Variants in WDR37 observed in about 807,000 individuals in gnomAD.
The protein encoded by WDR37 is WD repeat domain 37, also known as WD repeat-containing protein 37.
A neutral mutation model predicts 62.9 loss-of-function variants in WDR37; 19 were observed. The observed-to-expected ratio is 0.30, with a 90% CI of 0.21 to 0.44. WDR37 has a LOEUF of 0.44. WDR37 is among the 20% of genes least tolerant of loss of function. The pLI, the probability that WDR37 is intolerant of heterozygous loss-of-function variation, is 1.00. For missense variants in WDR37, 474 were observed against 657.6 expected, an observed-to-expected ratio of 0.72 and a Z score of 3.05; for synonymous variants, 250 against 260.9, an observed-to-expected ratio of 0.96 and a Z score of 0.40.
rs922679724 is a variant in WDR37, at chr10:1,105,528, G to A, written c.1103+261G>A. Among the ~76,000 whole-genome samples, 4 of 152,186 alleles carry A rather than the reference G, an allele frequency of 2.6e-5. No homozygotes were observed. Among genetic ancestry groups the A allele is most frequent in the Non-Finnish European group, 4.4e-5 (3 of 68,024 alleles). On this transcript the variant is annotated intron_variant, in intron 11 of 13. Coordinates refer to ENST00000263150, the MANE Select transcript of WDR37 (RefSeq NM_014023.4). The surrounding 1 kb of genome is among the most constrained non-coding windows in gnomAD (Gnocchi z 5.3). ...ATGCAGACAGAATGGGGGAGTGGGT[G>A]GAGAGGGTTAGAGAAGAGCAGGGCT...
intron 9 of WDR37, among the ~76,000 whole-genome samples, chr10:1,097,843 G>A (rs1834641612): frequency 1.3e-5 from 2 of 152,182 alleles, no homozygotes; most frequent in South Asian, 2.1e-4. Flanking sequence ...CTGCCCTACT[G>A]TTGTATTTTG....
Position 1,080,220 on chromosome 10 carries a change from C to G in WDR37, c.331+114C>G, listed in dbSNP as rs1030230216. The G allele has an allele frequency of 4.6e-6, 6 of 1,311,050 alleles. No individual in the cohort carries two copies. The South Asian group carries it at 7.5e-5, about 16-fold the overall frequency. 81.2% of individuals were successfully genotyped at this position (1,311,050 alleles called of 1,614,324 possible). Reference sequence around the variant, plus strand: ...TTGCTGTCAGCAGACCTCGAACTATCTAATTCAGGTGTGGGTCTAGGAGAA... The same window carrying G: ...TTGCTGTCAGCAGACCTCGAACTATGTAATTCAGGTGTGGGTCTAGGAGAA... On this transcript the variant is annotated intron_variant, in intron 4 of 13. Transcript: ENST00000263150.
intron 7 of WDR37, among the ~76,000 whole-genome samples, chr10:1,088,774 G>T (rs1480446944): frequency 6.6e-6 from 1 of 151,968 alleles, no homozygotes; most frequent in Non-Finnish European, 1.5e-5. Context: ...AACACATGCT[G>T]TTGGGAAAAT....
intron 13 of WDR37, among the ~76,000 whole-genome samples, chr10:1,126,209 T>A (rs181105113): frequency 8.6e-5 from 13 of 152,032 alleles, no homozygotes; most frequent in Admixed American, 5.2e-4. Context: ...ATCGAGACCA[T>A]CCTGACTAAC....
chr10:1,088,792 A>G (rs1025941802), intron 7 of WDR37, among the ~76,000 whole-genome samples: 3 of 152,242 alleles, frequency 2.0e-5, no homozygotes, highest in Non-Finnish European at 4.4e-5. Flanking sequence ...AATCGTGGCA[A>G]TTAGGTGTTC....
At chr10:1,090,947 C>T (rs983236951) in intron 7 of WDR37, among the ~76,000 whole-genome samples, 4 of 152,288 alleles carry the variant, frequency 2.6e-5, no homozygotes, top group African/African-American at 4.8e-5. Flanking sequence ...CTGCTCCAGC[C>T]GGCCTGTTGA....
At position 1,056,728 on chromosome 10, in the gene WDR37, G is replaced by C. The variant is rs1833183409; in HGVS notation, c.-281G>C. 6.6e-6 allele frequency: 1 copy of C among 152,312 alleles called. No homozygotes were observed. The highest frequency in any genetic ancestry group is 1.5e-5 in the Non-Finnish European group (1 of 68,102). The allele number at this position is 152,312 out of a possible 1,614,324, so 9.4% of individuals were successfully genotyped here. On this transcript the variant is annotated 5_prime_UTR_variant, in exon 1 of 14. Coordinates refer to ENST00000263150, the MANE Select transcript of WDR37 (RefSeq NM_014023.4). ...CCGGGGCGTGACTTCCGGCGCCGCC[G>C]GGTGTGGGGCGGAGGTGTGGGGCGG...
chr10:1,123,366 A>G (rs921245157), intron 11 of WDR37, among the ~76,000 whole-genome samples: 36 of 152,234 alleles, frequency 2.4e-4, no homozygotes, highest in African/African-American at 8.7e-4. Context: ...ACTATTTCCT[A>G]TGCTTTTTCA....
chr10:1,122,867 G>A (rs1460448383), intron 11 of WDR37, among the ~76,000 whole-genome samples: 4 of 152,228 alleles, frequency 2.6e-5, no homozygotes, highest in African/African-American at 9.6e-5. Context: ...GTGATTCTCA[G>A]TGCAATTCAA....
intron 7 of WDR37, among the ~76,000 whole-genome samples, chr10:1,092,110 G>A (rs1229821034): frequency 6.6e-6 from 1 of 150,692 alleles, no homozygotes. Context: ...AACCTGGGAG[G>A]CGGAGCTTGC....
At chr10:1,120,662 G>C (rs1835548133) in intron 11 of WDR37, among the ~76,000 whole-genome samples, 1 of 152,220 alleles carries the variant, frequency 6.6e-6, no homozygotes, top group Non-Finnish European at 1.5e-5. Flanking sequence ...ACACAGGCGT[G>C]CTCCTCAGAT....
At chr10:1,068,989 G>A (rs1833638924) in intron 1 of WDR37, among the ~76,000 whole-genome samples, 1 of 152,194 alleles carries the variant, frequency 6.6e-6, no homozygotes, top group South Asian at 2.1e-4. Context: ...GCCAGAACAG[G>A]CAGATTCATA....
intron 13 of WDR37, among the ~76,000 whole-genome samples, chr10:1,128,110 A>G (rs1476312568): frequency 6.6e-6 from 1 of 152,070 alleles, no homozygotes; most frequent in Non-Finnish European, 1.5e-5. Flanking sequence ...CCTTTTGTGG[A>G]TGTCTTTCCA....
intron 1 of WDR37, among the ~76,000 whole-genome samples, chr10:1,065,342 A>C (rs1245493519): frequency 6.6e-6 from 1 of 152,252 alleles, no homozygotes; most frequent in East Asian, 1.9e-4. Flanking sequence ...GACTACAATA[A>C]GCTGTAAATG....
chr10:1,069,389 A>ATATATATATATTTTTTTTTTT, intron 1 of WDR37, among the ~76,000 whole-genome samples: 2 of 95,780 alleles, frequency 2.1e-5, no homozygotes, highest in African/African-American at 9.4e-5. Context: ...ATATATATAT[A>ATATATATATATTTTTTTTTTT]TTTTTTTTTT....
intron 13 of WDR37, among the ~76,000 whole-genome samples, chr10:1,127,026 CAT>C (rs981381958): frequency 3.9e-5 from 6 of 152,250 alleles, no homozygotes; most frequent in African/African-American, 1.4e-4. Context: ...GAGCATCACT[CAT>C]GTGTCCTCAC....
At chr10:1,075,447 G>A (rs1306467813) in intron 2 of WDR37, among the ~76,000 whole-genome samples, 7 of 31,922 alleles carry the variant, frequency 2.2e-4, no homozygotes. Flanking sequence ...CCAACGCCCC[G>A]ACAGGCCCCG....
At chr10:1,120,855 C>G (rs192334230) in intron 11 of WDR37, among the ~76,000 whole-genome samples, 26 of 152,378 alleles carry the variant, frequency 1.7e-4, no homozygotes, top group Non-Finnish European at 2.4e-4. Context: ...TTCTGTGTCT[C>G]TGTGTGACTG....
At chr10:1,110,671 G>A (rs1037425863) in intron 11 of WDR37, among the ~76,000 whole-genome samples, 1 of 152,216 alleles carries the variant, frequency 6.6e-6, no homozygotes, top group African/African-American at 2.4e-5. Context: ...TCACTTGTCT[G>A]GGACGTTCTG....
Sources: gnomAD v4.1 joint callset for allele counts (sites outside exome capture counted in the v4.1 genomes callset) on GRCh38, gnomAD v4.1.1 for gene constraint, Gnocchi (gnomAD v3.1) non-coding constraint, MANE v1.5 for transcripts, NCBI Gene and HGNC (gene_info 2026-07-23, HGNC 2026-07-21) for gene names.